Variants in DOCK9 observed in about 807,000 individuals in gnomAD.
DOCK9 encodes the protein dedicator of cytokinesis 9.
Under a neutral mutation model 263.3 loss-of-function variants are expected in DOCK9, and 89 were observed. The observed-to-expected ratio is 0.34, with a 90% CI of 0.28 to 0.40. DOCK9 has a LOEUF of 0.40. Among genes scored for constraint, DOCK9 ranks in the 10% least tolerant of loss-of-function variants. The pLI is 1.00. For missense variants in DOCK9, 2,140 were observed against 2,603.4 expected, an observed-to-expected ratio of 0.82 and a Z score of 3.87; for synonymous variants, 976 against 973.1, an observed-to-expected ratio of 1.00 and a Z score of -0.06.
chr13:98,874,633 A>G (rs2094281823), intron 27 of DOCK9, among the ~76,000 whole-genome samples: 1 of 152,242 alleles, frequency 6.6e-6, no homozygotes. Context: ...CATCAGCATC[A>G]CCATAAAATG....
intron 12 of DOCK9, 84 bp downstream of exon 12, chr13:98,902,204 G>A: frequency 7.0e-7 from 1 of 1,431,164 alleles, no homozygotes. Context: ...TGCATTACAA[G>A]GTCTAATTTG....
intron 1 of DOCK9, among the ~76,000 whole-genome samples, chr13:98,986,747 T>C (rs1265272131): frequency 6.6e-6 from 1 of 152,176 alleles, no homozygotes; most frequent in Non-Finnish European, 1.5e-5. Flanking sequence ...CACTGCCAGA[T>C]AGTTTTAGGG....
At chr13:98,970,061 C>G (rs181303009) in intron 1 of DOCK9, among the ~76,000 whole-genome samples, 1 of 152,272 alleles carries the variant, frequency 6.6e-6, no homozygotes, top group East Asian at 1.9e-4. Flanking sequence ...GTAGCTCCAC[C>G]ATAGCTCACT....
chr13:99,029,177 T>A (rs538837985), intron 1 of DOCK9, among the ~76,000 whole-genome samples: 1 of 152,282 alleles, frequency 6.6e-6, no homozygotes, highest in Admixed American at 6.5e-5. Context: ...TTTTCAGCAC[T>A]TACAGAACCA....
chr13:98,796,800 G>A (rs1466323903), intron 52 of DOCK9, among the ~76,000 whole-genome samples: 3 of 152,182 alleles, frequency 2.0e-5, no homozygotes, highest in Admixed American at 6.5e-5. Context: ...GGATATTTTC[G>A]TGTGAGTTTT....
rs530644309 is a variant in DOCK9, at chr13:98,914,455, A to C, written c.893-60T>G. The C allele has an allele frequency of 3.8e-5, 55 of 1,457,284 alleles. No individual in the cohort carries two copies. The South Asian group carries it at 6.0e-4, about 16-fold the overall frequency. 90.3% of individuals were successfully genotyped at this position (1,457,284 alleles called of 1,614,324 possible). A position where few individuals can be genotyped will look rare whatever the true frequency, so the allele number is the denominator to read the frequency against. ...TAATTCATAGCATTTCATTTGAAACAGGAGGAGGAAGGCCGTTTCTCTTAG... is the reference window on the plus strand; with the variant it reads ...TAATTCATAGCATTTCATTTGAAACCGGAGGAGGAAGGCCGTTTCTCTTAG... On this transcript the variant is annotated intron_variant, in intron 8 of 52. Coordinates refer to ENST00000682017, the MANE Select transcript of DOCK9 (RefSeq NM_001366683.2).
At chr13:98,920,624 T>C (rs1362522408) in intron 7 of DOCK9, among the ~76,000 whole-genome samples, 7 of 152,216 alleles carry the variant, frequency 4.6e-5, no homozygotes, top group Non-Finnish European at 1.0e-4. Flanking sequence ...GTGTTTTAAA[T>C]ATTTTCCTGC....
intron 1 of DOCK9, among the ~76,000 whole-genome samples, chr13:98,986,572 C>T (rs935527252): frequency 1.3e-5 from 2 of 152,238 alleles, no homozygotes; most frequent in East Asian, 1.9e-4. Flanking sequence ...GTCCCCTCTT[C>T]TAAAAAGCAA....
At position 98,904,642 on chromosome 13, in the gene DOCK9, G is replaced by A; in HGVS notation, c.1025C>T (p.Pro342Leu). 1 of 1,555,786 alleles carries A rather than the reference G, an allele frequency of 6.4e-7. No homozygotes were observed. Among genetic ancestry groups the A allele is most frequent in the Non-Finnish European group, 8.7e-7 (1 of 1,148,496 alleles). Residue 342 changes from proline (P) to leucine (L), a missense_variant, in exon 10 of 53, where the codon CCA becomes CTA. Pro to Leu is a moderately conservative substitution (Grantham distance 98). This residue lies in a region of DOCK9 where 1,521 missense variants were observed against 1,741.7 expected (regional missense o/e 0.87). Transcript: ENST00000682017. ...TTAGATAGTTCTTACCTGGGCATCTGGGTCCAAATAAAAAAGTTTGACTCT... is the reference window on the plus strand; with the variant it reads ...TTAGATAGTTCTTACCTGGGCATCTAGGTCCAAATAAAAAAGTTTGACTCT... ...ESRVKLFYLD[P>L]DAQKLDFSSA...
intron 1 of DOCK9, among the ~76,000 whole-genome samples, chr13:99,004,142 G>A (rs1230658972): frequency 3.3e-5 from 5 of 152,174 alleles, no homozygotes; most frequent in African/African-American, 9.7e-5. Flanking sequence ...AAGGAGCCCT[G>A]CGTAGGTGCT....
At chr13:99,067,700 G>C (rs565597250) in intron 1 of DOCK9, among the ~76,000 whole-genome samples, 1 of 152,330 alleles carries the variant, frequency 6.6e-6, no homozygotes, top group Admixed American at 6.5e-5. Context: ...AAAGGAGTAA[G>C]TAGTATGGGT....
Position 98,848,511 on chromosome 13 carries a change from G to T in DOCK9, c.4061+81C>A. 6.8e-7 allele frequency: 1 copy of T among 1,463,650 alleles called. No homozygotes were observed. Among genetic ancestry groups the T allele is most frequent in the Non-Finnish European group, 9.4e-7 (1 of 1,068,036 alleles). The allele number at this position is 1,463,650 out of a possible 1,614,324, so 90.7% of individuals were successfully genotyped here. On this transcript the variant is annotated intron_variant, in intron 37 of 52. Coordinates refer to ENST00000682017, the MANE Select transcript of DOCK9 (RefSeq NM_001366683.2). ...CTTCCATGAACCCCAACTGCCAACC[G>T]CCACTGATGACCAATCCCACACAAT...
chr13:98,985,368 C>G (rs1006379366), intron 1 of DOCK9, among the ~76,000 whole-genome samples: 1 of 151,146 alleles, frequency 6.6e-6, no homozygotes, highest in Non-Finnish European at 1.5e-5. Flanking sequence ...GCATCCTATT[C>G]TACTTTTCTT....
chr13:98,873,475 T>C (rs1236211848), intron 27 of DOCK9, among the ~76,000 whole-genome samples: 1 of 152,198 alleles, frequency 6.6e-6, no homozygotes, highest in African/African-American at 2.4e-5. Context: ...TTTAACTAGG[T>C]TCATGGATAC....
At chr13:98,930,336 TGCAGCTGGCCCTG>T in intron 2 of DOCK9, 79 bp from the exon 3 acceptor site, 5 of 1,248,042 alleles carry the variant, frequency 4.0e-6, no homozygotes, top group Non-Finnish European at 5.7e-6. Flanking sequence ...CTGTGTGCCC[TGCAGCTGGCCCTG>T]GCAGCCACAG....
exon 1 of DOCK9, chr13:99,086,315 T>C: frequency 1.4e-6 from 2 of 1,479,218 alleles, no homozygotes; most frequent in East Asian, 3.0e-5. Context: ...AACTTCCGAG[T>C]CTCCGCCGAG....
chr13:98,884,029 C>A, intron 21 of DOCK9, 130 bp from the exon 22 acceptor site: 1 of 621,650 alleles, frequency 1.6e-6, no homozygotes, highest in Non-Finnish European at 2.7e-6. Context: ...GCGACTGTGC[C>A]GGGCCCATGG....
At chr13:98,892,680 A>G (rs554902196) in intron 15 of DOCK9, among the ~76,000 whole-genome samples, 1 of 152,328 alleles carries the variant, frequency 6.6e-6, no homozygotes, top group African/African-American at 2.4e-5. Flanking sequence ...TTTCCTCAAG[A>G]AGCCAAAAGT....
Position 98,897,519 on chromosome 13 carries a change from C to CA in DOCK9, c.1677dup (p.Asp560Ter). 6.2e-7 allele frequency: 1 copy of CA among 1,613,826 alleles called. No homozygotes were observed. Among genetic ancestry groups the CA allele is most frequent in the Non-Finnish European group, 8.5e-7 (1 of 1,179,844 alleles). On this transcript the variant is annotated frameshift_variant, in exon 15 of 53. Transcript: ENST00000682017. LOFTEE classifies it high-confidence loss of function. ...AAGTCTGCAAGTAACTTGAGCATGT[C>CA]ATCATTGGATAGCTTATTGCTGTCT...
Sources: allele counts gnomAD v4.1 joint callset (sites outside exome capture counted in the v4.1 genomes callset), GRCh38; gene constraint gnomAD v4.1.1; regional missense constraint gnomAD v4.1.1; transcripts MANE v1.5; gene names NCBI Gene and HGNC (gene_info 2026-07-23, HGNC 2026-07-21).